Variants in TASOR observed in about 807,000 individuals in gnomAD.
The protein encoded by TASOR is transcription activation suppressor.
TASOR carries 53 observed loss-of-function variants against 178.6 expected under a neutral mutation model. That is an observed-to-expected ratio of 0.30 (90% CI 0.24 to 0.37). TASOR has a LOEUF of 0.37. Ranked by LOEUF, TASOR falls within the 10% of genes least tolerant of loss-of-function variation. The pLI is 1.00. For synonymous variants in TASOR, 713 were observed against 696.2 expected (o/e 1.02, Z -0.38); for missense variants, 1,815 against 1,971.4 (o/e 0.92, Z 1.50).
At chr3:56,659,896 T>C (rs2077555247) in intron 11 of TASOR, among the ~76,000 whole-genome samples, 1 of 151,882 alleles carries the variant, frequency 6.6e-6, no homozygotes, top group African/African-American at 2.4e-5. Flanking sequence ...TTTTTTGAGA[T>C]GGAGTCTCGC....
In TASOR at chr3:56,633,266, A is replaced by T. The variant is rs1192969187; in HGVS notation, c.3525T>A (p.Asp1175Glu). The stretch of plus-strand genomic sequence containing the variant: ...GGGCCATATCACCAGGTACAATATG[A>T]TCAGAAGTCACCATTAACTCTGTGG... The part of the protein sequence containing the change: ...QHATELMVTS[D>E]HIVPGDMARE... Residue 1175 changes from aspartate (D) to glutamate (E), a missense_variant, in exon 18 of 24, where the codon GAT becomes GAA. Around this residue, in one of 5 missense-constraint regions of TASOR, gnomAD observed 655 missense variants for 671.1 expected, o/e 0.98. Coordinates refer to ENST00000683822, the MANE Select transcript of TASOR (RefSeq NM_001365635.2). 1 of 1,614,214 alleles carries T rather than the reference A, an allele frequency of 6.2e-7. No homozygotes were observed. The highest frequency in any genetic ancestry group is 1.1e-5 in the South Asian group (1 of 91,086).
At position 56,661,602 on chromosome 3, in the gene TASOR, CAT is replaced by C. The variant is rs75777339; in HGVS notation, c.1161-587_1161-586del. Among the ~76,000 whole-genome samples the C allele has an allele frequency of 2.5e-3, 383 of 152,274 alleles. 4 individuals carry two copies. Among genetic ancestry groups the C allele is most frequent in the East Asian group, 0.019 (99 of 5,182 alleles). Reference sequence around the variant, plus strand: ...CTGAAGTATAAACTGTTAATCTTCACATGTTTATAAAGGCCCACAATGATGGA... The same window carrying C: ...CTGAAGTATAAACTGTTAATCTTCACGTTTATAAAGGCCCACAATGATGGA... On this transcript the variant is annotated intron_variant, in intron 9 of 23. Coordinates refer to ENST00000683822, the MANE Select transcript of TASOR (RefSeq NM_001365635.2).
rs920661980 is a variant in TASOR, at chr3:56,627,296, C to A, written c.4031-151G>T. The A allele has an allele frequency of 1.4e-5, 9 of 627,164 alleles. No homozygotes were observed. In the African/African-American group the frequency reaches 1.5e-4, roughly 10 times the overall value. 38.8% of individuals were successfully genotyped at this position (627,164 alleles called of 1,614,324 possible). On this transcript the variant is annotated intron_variant, in intron 20 of 23. Transcript: ENST00000683822. ...TTTGTCTAAGGGAGACAGATCTATA[C>A]ATGCCTAAAGCTCTAATAATATAAC...
At chr3:56,656,721 A>C (rs532799676) in intron 11 of TASOR, among the ~76,000 whole-genome samples, 18 of 151,598 alleles carry the variant, frequency 1.2e-4, no homozygotes, top group Non-Finnish European at 2.2e-4. Flanking sequence ...CTATTAAAAG[A>C]ATACACTAGG....
intron 6 of TASOR, among the ~76,000 whole-genome samples, chr3:56,667,180 G>A (rs891603728): frequency 6.6e-6 from 1 of 152,104 alleles, no homozygotes; most frequent in Non-Finnish European, 1.5e-5. Flanking sequence ...GTAATCAAAT[G>A]AGTCAGTCCC....
chr3:56,644,694 G>A (rs2077198914), intron 14 of TASOR, among the ~76,000 whole-genome samples: 1 of 134,516 alleles, frequency 7.4e-6, no homozygotes, highest in Non-Finnish European at 1.6e-5. Flanking sequence ...GGTGCAAGAA[G>A]GTAGTAAGTC....
At chr3:56,630,189 T>G (rs2076880031) in intron 18 of TASOR, among the ~76,000 whole-genome samples, 1 of 152,028 alleles carries the variant, frequency 6.6e-6, no homozygotes. Flanking sequence ...ATGGTCCCAA[T>G]CTCCTGACCT....
At chr3:56,653,971 A>G (rs2077415262) in intron 11 of TASOR, among the ~76,000 whole-genome samples, 1 of 152,214 alleles carries the variant, frequency 6.6e-6, no homozygotes, top group Non-Finnish European at 1.5e-5. Context: ...ACAAGTCTCA[A>G]AAAAGTAAAA....
At chr3:56,673,272 T>G (rs573606886) in intron 2 of TASOR, among the ~76,000 whole-genome samples, 1 of 152,130 alleles carries the variant, frequency 6.6e-6, no homozygotes, top group East Asian at 1.9e-4. Flanking sequence ...ATTTAAAACT[T>G]GTTTTCCCAA....
At chr3:56,663,691 G>A (rs1237403111) in intron 7 of TASOR, 119 bp from the exon 8 acceptor site, 1 of 1,092,676 alleles carries the variant, frequency 9.2e-7, no homozygotes, top group East Asian at 7.2e-5. Flanking sequence ...CCTTCCTCCA[G>A]GTAGGAAGAA....
intron 9 of TASOR, among the ~76,000 whole-genome samples, chr3:56,661,843 G>T (rs925220792): frequency 3.9e-5 from 6 of 152,082 alleles, no homozygotes; most frequent in African/African-American, 1.4e-4. Context: ...AAAAGTTTTA[G>T]GCTGGGCGTG....
intron 6 of TASOR, among the ~76,000 whole-genome samples, chr3:56,667,503 A>G (rs992482402): frequency 6.6e-6 from 1 of 152,004 alleles, no homozygotes; most frequent in African/African-American, 2.4e-5. Flanking sequence ...AAAAAATACA[A>G]AAAATTAGCT....
At chr3:56,662,073 C>T (rs1261931948) in intron 9 of TASOR, among the ~76,000 whole-genome samples, 2 of 149,962 alleles carry the variant, frequency 1.3e-5, no homozygotes, top group Non-Finnish European at 3.0e-5. Context: ...AAGGTTGCAG[C>T]GAGCCGAGAT....
rs1307911590 is a variant in TASOR, at chr3:56,647,153, A to G, written c.1584T>C (p.Ala528=). Residue 528 remains alanine (A), a synonymous_variant, in exon 14 of 24, where the codon GCT becomes GCC. Coordinates refer to ENST00000683822, the MANE Select transcript of TASOR (RefSeq NM_001365635.2). The part of the protein sequence containing the change: ...HESMPDVLKI[A]QFLQFSLIQC... ...GAATCAAAGAAAATTGTAAAAACTG[A>G]GCTATTTTTAATACATCTGGCATGC... 4.4e-6 allele frequency: 7 copies of G among 1,601,966 alleles called. No individual in the cohort carries two copies. The highest frequency in any genetic ancestry group is 5.1e-6 in the Non-Finnish European group (6 of 1,177,062).
Position 56,623,003 on chromosome 3 carries a change from C to T in TASOR, c.*34G>A. On this transcript the variant is annotated 3_prime_UTR_variant, in exon 24 of 24. Transcript: ENST00000683822. ...AATATAAATTGTTAATAAACAAAGT[C>T]CACAACAATCTCTTAAAAAAAAAGT... is the stretch of plus-strand genomic sequence containing the variant. The T allele has an allele frequency of 7.4e-7, 1 of 1,344,212 alleles. No homozygotes were observed. The highest frequency in any genetic ancestry group is 1.0e-6 in the Non-Finnish European group (1 of 995,580). The allele number at this position is 1,344,212 out of a possible 1,614,324, so 83.3% of individuals were successfully genotyped here.
chr3:56,662,844 G>C (rs2077626511), intron 8 of TASOR, among the ~76,000 whole-genome samples: 1 of 152,296 alleles, frequency 6.6e-6, no homozygotes, highest in East Asian at 1.9e-4. Context: ...AATGCCTACA[G>C]TGTCCTGTAT....
intron 11 of TASOR, among the ~76,000 whole-genome samples, chr3:56,657,276 C>T (rs1449509165): frequency 1.3e-5 from 2 of 148,886 alleles, no homozygotes; most frequent in East Asian, 2.0e-4. Flanking sequence ...TGCAGTGAGC[C>T]GAGATCACGC....
At position 56,674,364 on chromosome 3, in the gene TASOR, G is replaced by A. The variant is rs1049222285; in HGVS notation, c.332-639C>T. Among the ~76,000 whole-genome samples, 3 of 150,758 alleles carry A rather than the reference G, an allele frequency of 2.0e-5. No homozygotes were observed. The South Asian group carries it at 6.3e-4, about 32-fold the overall frequency. On this transcript the variant is annotated intron_variant, in intron 1 of 23. Coordinates refer to ENST00000683822, the MANE Select transcript of TASOR (RefSeq NM_001365635.2). ...AACCATTAAAAAAAAAAAAAAATTA[G>A]CCAGGCATGGTGGTGCATGCCTGTA...
chr3:56,649,015 G>C lies in TASOR; in HGVS notation c.1411C>G (p.Leu471Val). ...PLGDRGYLFL[L>V]SPYQMVPPYE... ...GGAGGAACCATCTGATAAGGGGAGA[G>C]AAGAAAAAGGTATCCTCGGTCTCCC... The change falls in exon 12 of 24, where the codon CTC becomes GTC. Residue 471 changes from leucine (L) to valine (V), a missense_variant. Transcript: ENST00000683822. 2 of 1,608,376 alleles carry C rather than the reference G, an allele frequency of 1.2e-6. No individual in the cohort carries two copies. The highest frequency in any genetic ancestry group is 1.7e-6 in the Non-Finnish European group (2 of 1,178,410).
Sources: allele counts gnomAD v4.1 joint callset (sites outside exome capture counted in the v4.1 genomes callset), GRCh38; gene constraint gnomAD v4.1.1; regional missense constraint gnomAD v4.1.1; transcripts MANE v1.5; gene names NCBI Gene and HGNC (gene_info 2026-07-23, HGNC 2026-07-21).